The following DPP10 variants were observed in gnomAD, a reference collection of about 807,000 sequenced individuals.
The protein encoded by DPP10 is dipeptidyl peptidase like 10, also known as inactive dipeptidyl peptidase 10.
A neutral mutation model predicts 120.9 loss-of-function variants in DPP10; 33 were observed. The observed-to-expected ratio is 0.27, with a 90% CI of 0.21 to 0.37. The LOEUF (loss-of-function observed/expected upper bound fraction) is 0.37, where lower values mean the gene tolerates loss of function less well. DPP10 is among the 10% of genes least tolerant of loss of function. The pLI is 1.00. For missense variants in DPP10, 816 were observed against 942.8 expected, an observed-to-expected ratio of 0.87 and a Z score of 1.76; for synonymous variants, 337 against 326.1, an observed-to-expected ratio of 1.03 and a Z score of -0.36.
intron 1 of DPP10, among the ~76,000 whole-genome samples, chr2:115,257,771 G>A (rs1416937833): frequency 1.3e-5 from 2 of 152,092 alleles, no homozygotes; most frequent in Admixed American, 1.3e-4. Context: ...GTCTACATTA[G>A]TCCATTCATA....
At chr2:115,315,531 C>A (rs1574395256) in intron 2 of DPP10, among the ~76,000 whole-genome samples, 1 of 152,104 alleles carries the variant, frequency 6.6e-6, no homozygotes, top group African/African-American at 2.4e-5. Flanking sequence ...CATTTAAGCA[C>A]CTGACCTGTG....
Position 114,711,149 on chromosome 2 carries a change from C to T in DPP10, c.60+268311C>T, listed in dbSNP as rs116023903. The stretch of plus-strand genomic sequence containing the variant: ...ATCATCAATTCATTTACCCATTTAC[C>T]CATCAACGTTTGAGTGCCCTTTCTT... On this transcript the variant is annotated intron_variant, in intron 1 of 25. Transcript: ENST00000410059. 8.9e-3 allele frequency among the ~76,000 whole-genome samples: 1,355 copies of T among 152,204 alleles called. 15 individuals are homozygous for T. Among genetic ancestry groups the T allele is most frequent in the African/African-American group, 0.031 (1,294 of 41,524 alleles).
chr2:114,875,006 C>A (rs1691035448), intron 1 of DPP10, among the ~76,000 whole-genome samples: 1 of 152,116 alleles, frequency 6.6e-6, no homozygotes, highest in Non-Finnish European at 1.5e-5. Context: ...ACAACAATGG[C>A]AACCAAAACA....
intron 1 of DPP10, among the ~76,000 whole-genome samples, chr2:115,228,467 A>C (rs143274573): frequency 1.3e-5 from 2 of 152,010 alleles, no homozygotes; most frequent in Non-Finnish European, 2.9e-5. Context: ...CTATCTAACT[A>C]TATTTTTGTA....
At chr2:115,407,510 G>C in intron 3 of DPP10, among the ~76,000 whole-genome samples, 1 of 152,158 alleles carries the variant, frequency 6.6e-6, no homozygotes, top group East Asian at 1.9e-4. Context: ...CCAAGGCTCT[G>C]TTTGCATGAC....
At chr2:115,534,499 C>G (rs1193145494) in intron 5 of DPP10, among the ~76,000 whole-genome samples, 3 of 151,654 alleles carry the variant, frequency 2.0e-5, no homozygotes, top group Non-Finnish European at 4.4e-5. Context: ...TTTTCTTAAT[C>G]CAGTCTATCA....
chr2:114,977,388 G>T (rs1699819350), intron 1 of DPP10, among the ~76,000 whole-genome samples: 1 of 152,124 alleles, frequency 6.6e-6, no homozygotes, highest in Non-Finnish European at 1.5e-5. Context: ...ATCTTATCTA[G>T]TACCTTTGCT....
intron 1 of DPP10, among the ~76,000 whole-genome samples, chr2:115,250,229 A>G (rs758897204): frequency 6.6e-6 from 1 of 152,160 alleles, no homozygotes; most frequent in Non-Finnish European, 1.5e-5. Context: ...ATGATTTTGT[A>G]AAACAGATAT....
In DPP10 at chr2:115,762,616, G is replaced by C; in HGVS notation, c.1113+6G>C. 1 of 1,613,070 alleles carries C rather than the reference G, an allele frequency of 6.2e-7. No individual in the cohort carries two copies. Among genetic ancestry groups the C allele is most frequent in the South Asian group, 1.1e-5 (1 of 91,078 alleles). ...ATACGTGGCTCTCTCAGCAGGTACA[G>C]TATAGGTGGTCTGTCACATCTTGGC... On this transcript the variant is annotated splice_donor_region_variant and intron_variant, in intron 12 of 25. Transcript: ENST00000410059.
chr2:114,494,101 C>CAAAAAAAAAAAAA (rs58552540), intron 1 of DPP10, among the ~76,000 whole-genome samples: 35 of 77,168 alleles, frequency 4.5e-4, no homozygotes, highest in African/African-American at 1.4e-3. Flanking sequence ...AGCAATAAGG[C>CAAAAAAAAAAAAA]AAAAAAAAAA....
intron 1 of DPP10, among the ~76,000 whole-genome samples, chr2:114,822,663 G>A (rs1026604616): frequency 6.6e-6 from 1 of 151,840 alleles, no homozygotes; most frequent in Non-Finnish European, 1.5e-5. Flanking sequence ...CAATGTGCAA[G>A]TTCGTTACAT....
chr2:115,688,336 C>A (rs932440123), intron 5 of DPP10, among the ~76,000 whole-genome samples: 2 of 152,122 alleles, frequency 1.3e-5, no homozygotes, highest in African/African-American at 4.8e-5. Flanking sequence ...GAGAACATAG[C>A]ACTTCTTTGC....
intron 1 of DPP10, among the ~76,000 whole-genome samples, chr2:114,589,060 C>T (rs984193618): frequency 5.3e-5 from 8 of 149,918 alleles, no homozygotes; most frequent in Non-Finnish European, 1.2e-4. Context: ...AGGGGACGTA[C>T]TGTTTATAAA....
At chr2:114,872,085 A>G (rs1690730731) in intron 1 of DPP10, among the ~76,000 whole-genome samples, 1 of 152,126 alleles carries the variant, frequency 6.6e-6, no homozygotes, top group African/African-American at 2.4e-5. Flanking sequence ...ATAATAAATC[A>G]TTTGCTTGCA....
At chr2:115,048,566 G>A (rs1274980360) in intron 1 of DPP10, among the ~76,000 whole-genome samples, 2 of 152,028 alleles carry the variant, frequency 1.3e-5, no homozygotes, top group African/African-American at 4.8e-5. Flanking sequence ...TCCAAGCTAA[G>A]CAGGGTAGCA....
At chr2:114,508,560 A>G (rs61520115) in intron 1 of DPP10, among the ~76,000 whole-genome samples, 7,344 of 152,230 alleles carry the variant, frequency 0.048, 258 homozygotes, top group African/African-American at 0.094. Flanking sequence ...CTTGATTGCA[A>G]GCTTTCGTGT....
At position 115,657,658 on chromosome 2, in the gene DPP10, G is replaced by A. The variant is rs572333608; in HGVS notation, c.442-32029G>A. ...TGTGAGTGTGTGTAGAAAAAAAAGC[G>A]TAGAAGTTTTATTTTAATGTTTTTG... On this transcript the variant is annotated intron_variant, in intron 5 of 25. Transcript: ENST00000410059. 9.9e-5 allele frequency among the ~76,000 whole-genome samples: 15 copies of A among 151,846 alleles called. No individual in the cohort carries two copies. In the South Asian group the frequency reaches 1.5e-3, roughly 15 times the overall value.
At chr2:114,653,742 G>C (rs1048513065) in intron 1 of DPP10, among the ~76,000 whole-genome samples, 3 of 152,160 alleles carry the variant, frequency 2.0e-5, no homozygotes, top group Non-Finnish European at 2.9e-5. Context: ...ATTCTCAGTG[G>C]CTGGGCTGGC....
At chr2:114,495,605 G>A (rs191298241) in intron 1 of DPP10, among the ~76,000 whole-genome samples, 123 of 152,238 alleles carry the variant, frequency 8.1e-4, no homozygotes, top group African/African-American at 2.4e-3. Flanking sequence ...TCTTTTATAA[G>A]ACATTGCAAA....
Sources: gnomAD v4.1 joint callset for allele counts (sites outside exome capture counted in the v4.1 genomes callset) on GRCh38, gnomAD v4.1.1 for gene constraint, MANE v1.5 for transcripts, NCBI Gene and HGNC (gene_info 2026-07-23, HGNC 2026-07-21) for gene names.